CD96: variants seen among roughly 807,000 people sequenced by gnomAD.
CD96 encodes CD96 molecule, also known as T-cell surface protein tactile.
A neutral mutation model predicts 71.3 loss-of-function variants in CD96; 70 were observed. The ratio of observed to expected loss-of-function variants is 0.98; its 90% CI spans 0.81 to 1.20. The LOEUF is 1.20. Among genes scored for constraint, CD96 ranks in the 50% most tolerant of loss-of-function variants. The pLI is 0.00. For synonymous variants in CD96, 248 were observed against 233.0 expected, an observed-to-expected ratio of 1.06 and a Z score of -0.59; for missense variants, 742 against 677.5, an observed-to-expected ratio of 1.10 and a Z score of -1.06.
At chr3:111,620,652 T>C (rs1382977921) in intron 8 of CD96, among the ~76,000 whole-genome samples, 1 of 152,194 alleles carries the variant, frequency 6.6e-6, no homozygotes. Flanking sequence ...TTGTGCTCCC[T>C]GGGGAAAGAG....
intron 3 of CD96, among the ~76,000 whole-genome samples, chr3:111,568,425 G>T (rs1467971966): frequency 2.0e-5 from 3 of 152,126 alleles, no homozygotes; most frequent in Non-Finnish European, 4.4e-5. Flanking sequence ...TTTCACTGAG[G>T]ATTCACTTTG....
chr3:111,566,940 G>A (rs1405706329), intron 2 of CD96, among the ~76,000 whole-genome samples: 4 of 152,110 alleles, frequency 2.6e-5, no homozygotes, highest in Non-Finnish European at 5.9e-5. Context: ...CATAGAATGT[G>A]CAAAATTAAG....
chr3:111,609,688 T>C (rs923296844), intron 8 of CD96, among the ~76,000 whole-genome samples: 1 of 152,200 alleles, frequency 6.6e-6, no homozygotes, highest in African/African-American at 2.4e-5. Context: ...TCAAGTACCA[T>C]ATTTGTTTAA....
At chr3:111,612,828 G>T in intron 8 of CD96, 1 of 974,342 alleles carries the variant, frequency 1.0e-6, no homozygotes, top group African/African-American at 1.8e-5. Flanking sequence ...TTTCAGACCA[G>T]TGTTTTCCTG....
At chr3:111,563,706 ATCTT>A (rs1175102696) in intron 2 of CD96, among the ~76,000 whole-genome samples, 1 of 152,154 alleles carries the variant, frequency 6.6e-6, no homozygotes, top group East Asian at 1.9e-4. Context: ...TTTATATTGT[ATCTT>A]TATTTAAAAA....
At chr3:111,601,520 C>T (rs1344646734) in intron 7 of CD96, among the ~76,000 whole-genome samples, 1 of 152,018 alleles carries the variant, frequency 6.6e-6, no homozygotes, top group African/African-American at 2.4e-5. Context: ...CTACCCTGAA[C>T]CAGATGGAAT....
rs550279601 is a variant in CD96, at chr3:111,573,508, C to T, written c.544-5519C>T. On this transcript the variant is annotated intron_variant, in intron 3 of 13. Transcript: ENST00000352690. ...AAATAGTTGGCTAGCAAAAGACAGA[C>T]ATATACTACACCAAGACCCTGGGAC... Among the ~76,000 whole-genome samples, 20 of 152,284 alleles carry T rather than the reference C, an allele frequency of 1.3e-4. No homozygotes were observed. The South Asian group carries it at 4.1e-3, about 32-fold the overall frequency.
At chr3:111,622,877 C>T (rs1938578632) in intron 8 of CD96, among the ~76,000 whole-genome samples, 1 of 152,150 alleles carries the variant, frequency 6.6e-6, no homozygotes, top group Non-Finnish European at 1.5e-5. Flanking sequence ...GCACTTCCTA[C>T]CAGAAAGGTC....
downstream of CD96, among the ~76,000 whole-genome samples, chr3:111,656,177 A>G (rs1019916437): frequency 6.6e-6 from 1 of 152,170 alleles, no homozygotes; most frequent in African/African-American, 2.4e-5. Flanking sequence ...AAACTGAAAA[A>G]TCCTATGAAA....
Position 111,623,833 on chromosome 3 carries a change from CAA to C in CD96, c.1249+13_1249+14del. ...ACACCACTCCTCAACGTGAGTTCAG[CAA>C]AGTTTTCCTACATGATTGGAAAGAG... On this transcript the variant is annotated intron_variant, in intron 9 of 13. Coordinates refer to ENST00000352690, the MANE Select transcript of CD96 (RefSeq NM_005816.5). The C allele has an allele frequency of 6.4e-7, 1 of 1,571,466 alleles. No individual in the cohort carries two copies. The highest frequency in any genetic ancestry group is 8.8e-7 in the Non-Finnish European group (1 of 1,141,190).
chr3:111,636,133 G>A (rs184298613), intron 10 of CD96, among the ~76,000 whole-genome samples: 1 of 152,256 alleles, frequency 6.6e-6, no homozygotes, highest in East Asian at 1.9e-4. Context: ...AAAAAAAGCT[G>A]TGTATGAAAC....
At chr3:111,574,199 C>G (rs1936118759) in intron 3 of CD96, among the ~76,000 whole-genome samples, 1 of 152,172 alleles carries the variant, frequency 6.6e-6, no homozygotes, top group Non-Finnish European at 1.5e-5. Flanking sequence ...TTTCAAGGAG[C>G]TCAGGATAGC....
At chr3:111,562,352 AT>A (rs1401249804) in intron 2 of CD96, among the ~76,000 whole-genome samples, 2 of 152,128 alleles carry the variant, frequency 1.3e-5, no homozygotes, top group African/African-American at 2.4e-5. Flanking sequence ...ATGTCTCATA[AT>A]TTTGTGTTGA....
chr3:111,649,985 G>A lies in CD96; in HGVS notation c.*179G>A, dbSNP rs1446175655. The A allele has an allele frequency of 1.5e-6, 1 of 645,628 alleles. No homozygotes were observed. The highest frequency in any genetic ancestry group is 2.8e-6 in the Non-Finnish European group (1 of 352,450). The allele number at this position is 645,628 out of a possible 1,614,324, so 40.0% of individuals were successfully genotyped here. On this transcript the variant is annotated 3_prime_UTR_variant, in exon 14 of 14. Coordinates refer to ENST00000352690, the MANE Select transcript of CD96 (RefSeq NM_005816.5). ...CCTCTTCCATCTCCAAACGCCTGAA[G>A]CTTAACCAAGAGTGAGAGGATATGT...
chr3:111,584,028 C>G (rs1318921349), intron 4 of CD96, among the ~76,000 whole-genome samples: 3 of 152,214 alleles, frequency 2.0e-5, no homozygotes, highest in Non-Finnish European at 4.4e-5. Flanking sequence ...AACTTTCATG[C>G]TCTGCTTCCC....
chr3:111,551,815 G>C (rs566346686), intron 2 of CD96, among the ~76,000 whole-genome samples: 8 of 152,252 alleles, frequency 5.3e-5, no homozygotes, highest in African/African-American at 1.4e-4. Context: ...GTATATACCA[G>C]TAACGGGATT....
rs1376093654 is a variant in CD96 at position 111,579,055 on chromosome 3, T to A, written c.572T>A (p.Ile191Asn). Residue 191 changes from isoleucine to asparagine, a missense_variant, in exon 4 of 14, where the codon ATC becomes AAC. Physicochemically the swap from Ile to Asn is moderately radical, Grantham distance 149. Transcript: ENST00000352690. ...GATAATGGAACTCAGGAAACACTTA[T>A]CTCCCAAAATCACCTCATCAGCAAT... ...VEDNGTQETLISQNHLISNST... is the reference protein window; with the variant it reads ...VEDNGTQETLNSQNHLISNST... The A allele has an allele frequency of 6.2e-7, 1 of 1,608,504 alleles. No homozygotes were observed. The highest frequency in any genetic ancestry group is 8.5e-7 in the Non-Finnish European group (1 of 1,174,860).
chr3:111,618,054 G>C (rs1269524091), intron 8 of CD96, among the ~76,000 whole-genome samples: 2 of 152,238 alleles, frequency 1.3e-5, no homozygotes, highest in Non-Finnish European at 2.9e-5. Flanking sequence ...ACCCATGCTG[G>C]AGCCTGGAGA....
At chr3:111,563,175 C>T (rs560262422) in intron 2 of CD96, among the ~76,000 whole-genome samples, 5 of 152,334 alleles carry the variant, frequency 3.3e-5, no homozygotes, top group Admixed American at 6.5e-5. Context: ...GTTCCACCTT[C>T]TAATACTGAC....
Sources: allele counts gnomAD v4.1 joint callset (sites outside exome capture counted in the v4.1 genomes callset), GRCh38; gene constraint gnomAD v4.1.1; transcripts MANE v1.5; gene names NCBI Gene and HGNC (gene_info 2026-07-23, HGNC 2026-07-21).